The following TUSC3 variants were observed in gnomAD, a reference collection of about 807,000 sequenced individuals.
TUSC3 encodes the protein dolichyl-diphosphooligosaccharide--protein glycosyltransferase subunit TUSC3.
In TUSC3, 45 loss-of-function variants were observed where a neutral mutation model predicts 44.8. The observed-to-expected ratio is 1.00, with a 90% CI of 0.79 to 1.29. The LOEUF (loss-of-function observed/expected upper bound fraction) is 1.29, where lower values mean the gene tolerates loss of function less well. Ranked by LOEUF, TUSC3 falls within the 50% of genes most tolerant of loss-of-function variation. The probability of loss-of-function intolerance (pLI) is 0.00; values close to 1 mark genes in which losing one functional copy is unlikely to be tolerated. For missense variants in TUSC3, 519 were observed against 437.9 expected (o/e 1.19, Z -1.65); for synonymous variants, 212 against 152.9 (o/e 1.39, Z -2.85).
intron 1 of TUSC3, among the ~76,000 whole-genome samples, chr8:15,568,498 G>C (rs564090763): frequency 1.3e-5 from 2 of 151,944 alleles, no homozygotes; most frequent in Non-Finnish European, 2.9e-5. Context: ...ATTGAATTAG[G>C]CTTATGTCAT....
chr8:15,845,961 G>C, the TUSC3 span, among the ~76,000 whole-genome samples: 18 of 152,212 alleles, frequency 1.2e-4, no homozygotes, highest in African/African-American at 3.9e-4. Flanking sequence ...GGCAGGAGGG[G>C]AAAGGCACTT....
At chr8:15,781,561 G>A in the TUSC3 span, among the ~76,000 whole-genome samples, 1 of 152,024 alleles carries the variant, frequency 6.6e-6, no homozygotes, top group South Asian at 2.1e-4. Context: ...AGGCCAGAAG[G>A]AAGTGGGATG....
intron 2 of TUSC3, among the ~76,000 whole-genome samples, chr8:15,527,222 A>G (rs75775632): frequency 6.6e-6 from 1 of 151,960 alleles, no homozygotes. Flanking sequence ...ATGCTTATTT[A>G]TTTATTTATT....
intron 2 of TUSC3, among the ~76,000 whole-genome samples, chr8:15,639,468 C>T (rs1290627995): frequency 6.6e-6 from 1 of 152,144 alleles, no homozygotes; most frequent in African/African-American, 2.4e-5. Flanking sequence ...CAAAACGGTG[C>T]TTTATTTCTC....
chr8:15,788,382 A>C, the TUSC3 span, among the ~76,000 whole-genome samples: 1 of 152,000 alleles, frequency 6.6e-6, no homozygotes, highest in Non-Finnish European at 1.5e-5. Context: ...CCCCCTCTCT[A>C]CTAAAAATAA....
intron 2 of TUSC3, among the ~76,000 whole-genome samples, chr8:15,627,847 C>T (rs542377043): frequency 2.3e-4 from 35 of 152,322 alleles, no homozygotes; most frequent in African/African-American, 7.9e-4. Context: ...CCTGGTGTAC[C>T]GTTGGCAGGC....
the TUSC3 span, among the ~76,000 whole-genome samples, chr8:15,772,021 G>A: frequency 4.6e-5 from 7 of 152,082 alleles, no homozygotes; most frequent in South Asian, 2.1e-4. Flanking sequence ...CCCAGGAGGC[G>A]GAGCTTGCAG....
chr8:15,516,572 T>A (rs888520059), intron 2 of TUSC3, among the ~76,000 whole-genome samples: 7 of 152,204 alleles, frequency 4.6e-5, no homozygotes, highest in Admixed American at 1.3e-4. Context: ...GTTTATAAAT[T>A]GGAACTGAAA....
At chr8:15,796,461 C>T in the TUSC3 span, among the ~76,000 whole-genome samples, 3 of 152,214 alleles carry the variant, frequency 2.0e-5, no homozygotes, top group Non-Finnish European at 2.9e-5. Flanking sequence ...TCACCAAGGA[C>T]TATACTGGCC....
intron 10 of TUSC3, among the ~76,000 whole-genome samples, chr8:15,759,276 G>C (rs940329818): frequency 6.6e-6 from 1 of 152,036 alleles, no homozygotes; most frequent in Non-Finnish European, 1.5e-5. Context: ...AGTGATGTGA[G>C]ACAGGTGACA....
intron 6 of TUSC3, among the ~76,000 whole-genome samples, chr8:15,729,643 A>G (rs1381967591): frequency 3.9e-5 from 6 of 152,158 alleles, no homozygotes; most frequent in Non-Finnish European, 7.4e-5. Context: ...CTTAACTTGT[A>G]AGTAGTAGCT....
chr8:15,630,368 C>G (rs897439665), intron 2 of TUSC3, among the ~76,000 whole-genome samples: 3 of 152,066 alleles, frequency 2.0e-5, no homozygotes, highest in Middle Eastern at 3.2e-3. Context: ...TATTAACTAA[C>G]ATTTATTCTC....
chr8:15,542,401 A>G (rs1019610122), intron 1 of TUSC3, among the ~76,000 whole-genome samples: 2 of 151,974 alleles, frequency 1.3e-5, no homozygotes, highest in African/African-American at 4.8e-5. Context: ...CAGAATTCCA[A>G]GAAGAAGGAG....
At chr8:15,497,796 G>A (rs1800903095) in intron 2 of TUSC3, among the ~76,000 whole-genome samples, 1 of 151,266 alleles carries the variant, frequency 6.6e-6, no homozygotes, top group South Asian at 2.1e-4. Context: ...CCAGGCTGGA[G>A]TGCAATGGTG....
chr8:15,827,784 T>G, the TUSC3 span, among the ~76,000 whole-genome samples: 3 of 152,128 alleles, frequency 2.0e-5, no homozygotes, highest in Non-Finnish European at 2.9e-5. Context: ...ATAATTTAGA[T>G]GAAGAGATTT....
chr8:15,598,145 G>A (rs1804144707), intron 1 of TUSC3, among the ~76,000 whole-genome samples: 1 of 151,896 alleles, frequency 6.6e-6, no homozygotes, highest in Non-Finnish European at 1.5e-5. Flanking sequence ...ACCAGTTGGG[G>A]TTTTATGTGA....
At chr8:15,493,252 A>G (rs1009472716) in intron 2 of TUSC3, among the ~76,000 whole-genome samples, 1 of 152,122 alleles carries the variant, frequency 6.6e-6, no homozygotes, top group Non-Finnish European at 1.5e-5. Flanking sequence ...ACTTTCAGAC[A>G]TCAACTTTTT....
the TUSC3 span, among the ~76,000 whole-genome samples, chr8:15,850,057 T>C: frequency 1.3e-5 from 2 of 151,930 alleles, no homozygotes; most frequent in Admixed American, 1.3e-4. Context: ...CCTGCTATCT[T>C]GGTCCAATTG....
At chr8:15,745,965 A>G (rs1054067332) in intron 8 of TUSC3, among the ~76,000 whole-genome samples, 2 of 152,086 alleles carry the variant, frequency 1.3e-5, no homozygotes, top group East Asian at 3.9e-4. Flanking sequence ...GCCAAGTTTC[A>G]TTCTTGTGCA....
Sources: gnomAD v4.1 joint callset for allele counts (sites outside exome capture counted in the v4.1 genomes callset) on GRCh38, gnomAD v4.1.1 for gene constraint, MANE v1.5 for transcripts, NCBI Gene and HGNC (gene_info 2026-07-23, HGNC 2026-07-21) for gene names.